PRKN: variants seen among roughly 807,000 people sequenced by gnomAD.
The protein encoded by PRKN is E3 ubiquitin-protein ligase parkin.
In PRKN, 56 loss-of-function variants were observed where a neutral mutation model predicts 59.5. The observed-to-expected ratio is 0.94, with a 90% CI of 0.76 to 1.18. PRKN has a LOEUF of 1.18. PRKN is among the 50% of genes most tolerant of loss of function. PRKN has a pLI of 0.00. For synonymous variants in PRKN, 250 were observed against 222.1 expected (o/e 1.13, Z -1.12); for missense variants, 657 against 596.4 (o/e 1.10, Z -1.06).
Position 161,460,859 on chromosome 6 carries a change from C to CT in PRKN, c.1084-73983_1084-73982insA, listed in dbSNP as rs562877369. ...CAGACTCCCTGGTTCAAGCAATTCT[C>CT]CTGCCTCGGCCTCCCAAGTAGCTGG... On this transcript the variant is annotated intron_variant, in intron 9 of 11. Transcript: ENST00000366898. This position sits in a 1 kb window ranked among gnomAD's most constrained non-coding sequence, Gnocchi z 5.0. Among the ~76,000 whole-genome samples, 128 of 151,952 alleles carry CT rather than the reference C, an allele frequency of 8.4e-4. 1 individual carries two copies. Among genetic ancestry groups the CT allele is most frequent in the African/African-American group, 3.0e-3 (126 of 41,464 alleles).
intron 3 of PRKN, among the ~76,000 whole-genome samples, chr6:162,245,833 G>A (rs1779172022): frequency 1.3e-5 from 2 of 152,098 alleles, no homozygotes; most frequent in Admixed American, 6.6e-5. Flanking sequence ...TCTGGACCTG[G>A]ATGACACAGC....
At chr6:161,771,293 T>A (rs1446790744) in intron 7 of PRKN, among the ~76,000 whole-genome samples, 1 of 148,780 alleles carries the variant, frequency 6.7e-6, no homozygotes, top group South Asian at 2.1e-4. Flanking sequence ...GAGGCAGAGC[T>A]TGCAGTGAGC....
intron 2 of PRKN, among the ~76,000 whole-genome samples, chr6:162,375,496 T>C (rs980532949): frequency 6.6e-6 from 1 of 151,490 alleles, no homozygotes; most frequent in African/African-American, 2.4e-5. Context: ...CTGCATGGAG[T>C]TGCTTATGTT....
intron 1 of PRKN, among the ~76,000 whole-genome samples, chr6:162,698,266 G>T (rs1339659989): frequency 6.7e-6 from 1 of 149,988 alleles, no homozygotes; most frequent in East Asian, 2.0e-4. Context: ...TACTGAGGGT[G>T]GCAATGTGCC....
At chr6:161,634,690 A>G (rs543711300) in intron 7 of PRKN, among the ~76,000 whole-genome samples, 4 of 152,206 alleles carry the variant, frequency 2.6e-5, no homozygotes, top group Admixed American at 2.6e-4. Flanking sequence ...CGTGGAATTT[A>G]CCTGGAGATG....
At chr6:162,270,732 AACTTTGAAGACAC>A (rs1298346529) in intron 2 of PRKN, 8 of 152,200 alleles carry the variant, frequency 5.3e-5, no homozygotes, top group African/African-American at 1.4e-4. Context: ...TTTCTTAAAT[AACTTTGAAGACAC>A]ACTTTTAATA....
At chr6:162,381,032 G>A (rs1488978740) in intron 2 of PRKN, among the ~76,000 whole-genome samples, 1 of 152,046 alleles carries the variant, frequency 6.6e-6, no homozygotes, top group Non-Finnish European at 1.5e-5. Flanking sequence ...CAGGCGAACC[G>A]TTCTTCCTCT....
intron 3 of PRKN, among the ~76,000 whole-genome samples, chr6:162,223,499 A>AAC (rs374736039): frequency 2.6e-5 from 4 of 151,214 alleles, no homozygotes; most frequent in African/African-American, 9.8e-5. Context: ...AACAAAATTA[A>AAC]ATTGGGATGA....
At chr6:161,486,239 C>G (rs1296493252) in intron 9 of PRKN, among the ~76,000 whole-genome samples, 1 of 95,658 alleles carries the variant, frequency 1.0e-5, no homozygotes, top group African/African-American at 4.0e-5. Context: ...GTGTGGCAAA[C>G]AGTTATGTGT....
chr6:162,435,463 A>G (rs1183716418), intron 2 of PRKN, among the ~76,000 whole-genome samples: 1 of 152,116 alleles, frequency 6.6e-6, no homozygotes, highest in Non-Finnish European at 1.5e-5. Flanking sequence ...AACATTTCTG[A>G]GAGTTCTGAA....
chr6:162,144,166 G>A (rs969486056), intron 4 of PRKN, among the ~76,000 whole-genome samples: 10 of 152,078 alleles, frequency 6.6e-5, no homozygotes, highest in Admixed American at 3.3e-4. Context: ...CCCTGTTACC[G>A]CGCACACTTG....
intron 4 of PRKN, among the ~76,000 whole-genome samples, chr6:162,183,743 CCA>C (rs1303689639): frequency 6.6e-5 from 10 of 152,272 alleles, no homozygotes; most frequent in African/African-American, 2.4e-4. Flanking sequence ...GGCTCAATAG[CCA>C]TAAAACTTTA....
intron 1 of PRKN, among the ~76,000 whole-genome samples, chr6:162,681,161 T>C (rs542430921): frequency 1.3e-5 from 2 of 152,218 alleles, no homozygotes; most frequent in South Asian, 4.1e-4. Context: ...TGAAAAATCG[T>C]AAGAATGTGG....
intron 1 of PRKN, among the ~76,000 whole-genome samples, chr6:162,725,122 C>T (rs1175900283): frequency 6.6e-6 from 1 of 152,184 alleles, no homozygotes; most frequent in African/African-American, 2.4e-5. Flanking sequence ...TCAGCTGGGC[C>T]TGAGTACACT....
chr6:162,087,870 G>A (rs983337546), intron 4 of PRKN, among the ~76,000 whole-genome samples: 1 of 152,132 alleles, frequency 6.6e-6, no homozygotes, highest in African/African-American at 2.4e-5. Context: ...GGGATTACAG[G>A]CATGAGTCAC....
At chr6:162,018,341 A>G (rs1320968047) in intron 5 of PRKN, among the ~76,000 whole-genome samples, 2 of 152,154 alleles carry the variant, frequency 1.3e-5, no homozygotes, top group Non-Finnish European at 2.9e-5. Flanking sequence ...TAACTTTTAG[A>G]CAGACAAAGT....
At chr6:162,144,085 A>T (rs903973706) in intron 4 of PRKN, among the ~76,000 whole-genome samples, 1 of 152,200 alleles carries the variant, frequency 6.6e-6, no homozygotes, top group African/African-American at 2.4e-5. Flanking sequence ...AAGGCAAAGA[A>T]AGGGGCTGGT....
intron 9 of PRKN, among the ~76,000 whole-genome samples, chr6:161,532,707 C>T (rs1442681260): frequency 1.3e-5 from 2 of 152,124 alleles, no homozygotes; most frequent in Non-Finnish European, 2.9e-5. Flanking sequence ...GGTAATATGG[C>T]TGGAATGTCA....
In PRKN at chr6:161,973,346, T is replaced by G; in HGVS notation, c.690A>C (p.Ala230=). The G allele has an allele frequency of 6.2e-7, 1 of 1,614,002 alleles. No homozygotes were observed. Among genetic ancestry groups the G allele is most frequent in the Non-Finnish European group, 8.5e-7 (1 of 1,179,872 alleles). The change falls in exon 6 of 12, where the codon GCA becomes GCC. Residue 230 remains alanine (A), a synonymous_variant. Coordinates refer to ENST00000366898, the MANE Select transcript of PRKN (RefSeq NM_004562.3). ...KETSVALHLI[A]TNSRNITCIT... ...TGCAAGTGATGTTCCGACTATTTGT[T>G]GCGATCAGGTGCAAAGCTACTGATG...
Sources: allele counts gnomAD v4.1 joint callset (sites outside exome capture counted in the v4.1 genomes callset), GRCh38; gene constraint gnomAD v4.1.1; non-coding constraint Gnocchi (gnomAD v3.1); transcripts MANE v1.5; gene names NCBI Gene and HGNC (gene_info 2026-07-23, HGNC 2026-07-21).